Variants in PTPRN2 observed in about 807,000 individuals in gnomAD.
The protein encoded by PTPRN2 is protein tyrosine phosphatase receptor type N2.
A neutral mutation model predicts 118.8 loss-of-function variants in PTPRN2; 74 were observed. The observed-to-expected ratio is 0.62, with a 90% CI of 0.52 to 0.76. The LOEUF is 0.76. Among genes scored for constraint, PTPRN2 ranks in the 30% least tolerant of loss-of-function variants. The probability of loss-of-function intolerance (pLI) is 0.00; values close to 1 mark genes in which losing one functional copy is unlikely to be tolerated. For missense variants in PTPRN2, 1,481 were observed against 1,394.4 expected, an observed-to-expected ratio of 1.06 and a Z score of -0.99; for synonymous variants, 641 against 608.0, an observed-to-expected ratio of 1.05 and a Z score of -0.80.
chr7:158,153,117 C>T (rs746266345), intron 6 of PTPRN2, among the ~76,000 whole-genome samples: 5 of 152,172 alleles, frequency 3.3e-5, no homozygotes, highest in Non-Finnish European at 7.3e-5. Context: ...AGCATACCAT[C>T]GACCAGCGGA....
At chr7:157,945,342 G>T (rs1800407659) in intron 11 of PTPRN2, among the ~76,000 whole-genome samples, 1 of 151,668 alleles carries the variant, frequency 6.6e-6, no homozygotes, top group Admixed American at 6.6e-5. Context: ...CAACCCCCAT[G>T]GGCACACTGA....
chr7:158,583,449 A>G (rs958500405), intron 1 of PTPRN2, among the ~76,000 whole-genome samples: 4 of 152,144 alleles, frequency 2.6e-5, no homozygotes, highest in African/African-American at 9.7e-5. Context: ...AGAGAGGACT[A>G]TGACAAAGTG....
At position 157,929,245 on chromosome 7, in the gene PTPRN2, T is replaced by C. The variant is rs1006219619; in HGVS notation, c.1724-30508A>G. ...CCCCCTCCCCATAACCCACAGCCCC[T>C]CTTCCCCAGTACGCCGTGGCAGCCT... On this transcript the variant is annotated intron_variant, in intron 11 of 22. Coordinates refer to ENST00000389418, the MANE Select transcript of PTPRN2 (RefSeq NM_002847.5). This position sits in a 1 kb window ranked among gnomAD's most constrained non-coding sequence, Gnocchi z 4.4. Among the ~76,000 whole-genome samples, 6 of 152,002 alleles carry C rather than the reference T, an allele frequency of 3.9e-5. No homozygotes were observed. The highest frequency in any genetic ancestry group is 4.8e-5 in the African/African-American group (2 of 41,368).
intron 2 of PTPRN2, among the ~76,000 whole-genome samples, chr7:158,462,686 T>C (rs1026157225): frequency 2.6e-4 from 40 of 152,174 alleles, no homozygotes; most frequent in Non-Finnish European, 2.9e-4. Flanking sequence ...CCTCAGGCCC[T>C]GTGTTTCTCA....
intron 7 of PTPRN2, among the ~76,000 whole-genome samples, chr7:158,137,466 T>C (rs900688483): frequency 6.6e-6 from 1 of 152,164 alleles, no homozygotes; most frequent in African/African-American, 2.4e-5. Flanking sequence ...CTACTTTCAG[T>C]GCCCAAAGGT....
chr7:157,829,444 C>T (rs891956433), intron 12 of PTPRN2, among the ~76,000 whole-genome samples: 2 of 152,332 alleles, frequency 1.3e-5, no homozygotes, highest in Admixed American at 1.3e-4. Context: ...CAGATGCGGG[C>T]CCGTGTGCAC....
chr7:158,428,076 C>T (rs1245458286), intron 2 of PTPRN2, among the ~76,000 whole-genome samples: 2 of 152,264 alleles, frequency 1.3e-5, no homozygotes, highest in African/African-American at 4.8e-5. Context: ...ATTCTGATTT[C>T]AGGGGTTCTC....
At chr7:158,109,835 AAG>A (rs1816065193) in intron 10 of PTPRN2, among the ~76,000 whole-genome samples, 1 of 151,230 alleles carries the variant, frequency 6.6e-6, no homozygotes, top group South Asian at 2.1e-4. Flanking sequence ...CACCCGTGTA[AAG>A]AGTCAGTGAG....
In PTPRN2 at chr7:158,471,221, G is replaced by T. The variant is rs148868692; in HGVS notation, c.163+18514C>A. Among the ~76,000 whole-genome samples, 455 of 152,218 alleles carry T rather than the reference G, an allele frequency of 3.0e-3. 16 individuals are homozygous for T. In the South Asian group the frequency reaches 0.05, roughly 17 times the overall value. On this transcript the variant is annotated intron_variant, in intron 2 of 22. Coordinates refer to ENST00000389418, the MANE Select transcript of PTPRN2 (RefSeq NM_002847.5). ...ACGAGAGGCCAGCACAAGAGGGTGG[G>T]GCTCTTCTTTGGAGGCAAAGCCAGC...
chr7:158,072,744 T>C (rs1436532866), intron 11 of PTPRN2, among the ~76,000 whole-genome samples: 1 of 152,188 alleles, frequency 6.6e-6, no homozygotes, highest in Non-Finnish European at 1.5e-5. Context: ...GCCAAGGGGT[T>C]TGTGCCACAC....
Position 158,146,816 on chromosome 7 carries a change from C to A in PTPRN2, c.911-8301G>T, listed in dbSNP as rs867522041. Among the ~76,000 whole-genome samples the A allele has an allele frequency of 1.4e-4, 22 of 152,042 alleles. 1 individual carries two copies. Among genetic ancestry groups the A allele is most frequent in the South Asian group, 8.3e-4 (4 of 4,820 alleles). On this transcript the variant is annotated intron_variant, in intron 6 of 22. Coordinates refer to ENST00000389418, the MANE Select transcript of PTPRN2 (RefSeq NM_002847.5). ...CATTGTTCTCACACCAGCACAGACA[C>A]ACTAAAATGTTTTGGAGGCCAGAGA...
At chr7:157,993,381 C>A (rs55905226) in intron 11 of PTPRN2, among the ~76,000 whole-genome samples, 1 of 151,812 alleles carries the variant, frequency 6.6e-6, no homozygotes, top group Non-Finnish European at 1.5e-5. Context: ...AAAGACCCCA[C>A]GGGGACATCC....
intron 14 of PTPRN2, among the ~76,000 whole-genome samples, chr7:157,625,156 A>G (rs192937284): frequency 2.0e-4 from 30 of 152,380 alleles, no homozygotes; most frequent in African/African-American, 7.0e-4. Context: ...TACAGCCACT[A>G]TAGAAAACAG....
intron 14 of PTPRN2, among the ~76,000 whole-genome samples, chr7:157,633,091 C>G (rs1195277093): frequency 6.6e-6 from 1 of 151,998 alleles, no homozygotes; most frequent in Non-Finnish European, 1.5e-5. Context: ...CAGTAGTTAG[C>G]TGGCCAAAGA....
intron 11 of PTPRN2, among the ~76,000 whole-genome samples, chr7:158,018,903 T>A (rs1212648546): frequency 7.4e-6 from 1 of 134,864 alleles, no homozygotes; most frequent in Non-Finnish European, 1.5e-5. Flanking sequence ...GAGGTTGCAG[T>A]GAGCCGAGAT....
chr7:158,238,115 G>A (rs543649190), intron 3 of PTPRN2, among the ~76,000 whole-genome samples: 2 of 152,228 alleles, frequency 1.3e-5, no homozygotes, highest in Admixed American at 6.5e-5. Context: ...CCTGCCTCTC[G>A]GGGCGGCTAA....
chr7:157,838,069 A>C (rs377227956), intron 12 of PTPRN2, among the ~76,000 whole-genome samples: 2 of 120,038 alleles, frequency 1.7e-5, no homozygotes, highest in Non-Finnish European at 1.7e-5. Flanking sequence ...AGTTCCTCTC[A>C]TAGTGGATGG....
intron 12 of PTPRN2, chr7:157,739,133 T>C (rs921301357): frequency 6.6e-6 from 1 of 152,188 alleles, no homozygotes; most frequent in South Asian, 2.1e-4. Flanking sequence ...ACTGCAGACA[T>C]GAAGAGCCAC....
At chr7:158,145,307 G>C (rs1173720010) in intron 6 of PTPRN2, among the ~76,000 whole-genome samples, 1 of 151,466 alleles carries the variant, frequency 6.6e-6, no homozygotes, top group Non-Finnish European at 1.5e-5. Context: ...AGCTTGGCAA[G>C]GTTTCCCTCA....
Sources: allele counts gnomAD v4.1 joint callset (sites outside exome capture counted in the v4.1 genomes callset), GRCh38; gene constraint gnomAD v4.1.1; non-coding constraint Gnocchi (gnomAD v3.1); transcripts MANE v1.5; gene names NCBI Gene and HGNC (gene_info 2026-07-23, HGNC 2026-07-21).